OSBPL8: variants seen among roughly 807,000 people sequenced by gnomAD.
The protein encoded by OSBPL8 is oxysterol-binding protein-related protein 8.
A neutral mutation model predicts 125.5 loss-of-function variants in OSBPL8; 59 were observed. That is an observed-to-expected ratio of 0.47 (90% CI 0.38 to 0.58). The LOEUF is 0.58. Ranked by LOEUF, OSBPL8 falls within the 20% of genes least tolerant of loss-of-function variation. OSBPL8 has a pLI of 0.00. For missense variants in OSBPL8, 758 were observed against 1,047.8 expected, an observed-to-expected ratio of 0.72 and a Z score of 3.82; for synonymous variants, 330 against 338.9, an observed-to-expected ratio of 0.97 and a Z score of 0.29.
chr12:76,464,898 G>A (rs1316400225), intron 2 of OSBPL8, among the ~76,000 whole-genome samples: 1 of 152,180 alleles, frequency 6.6e-6, no homozygotes, highest in African/African-American at 2.4e-5. Context: ...TTCAGAAAGA[G>A]TATACAAAAC....
At chr12:76,387,751 A>T (rs911254465) in intron 12 of OSBPL8, among the ~76,000 whole-genome samples, 1 of 152,188 alleles carries the variant, frequency 6.6e-6, no homozygotes, top group African/African-American at 2.4e-5. Context: ...TGCTAAGTTG[A>T]AAGCTTGTGC....
intron 4 of OSBPL8, among the ~76,000 whole-genome samples, chr12:76,414,753 G>A (rs1203977692): frequency 6.6e-6 from 1 of 151,894 alleles, no homozygotes; most frequent in East Asian, 1.9e-4. Context: ...ATGTCCAGCT[G>A]GAACAGGTAC....
chr12:76,375,261 T>C lies in OSBPL8; in HGVS notation c.1827+12A>G, dbSNP rs769472400. 2.2e-5 allele frequency: 34 copies of C among 1,551,368 alleles called. No homozygotes were observed. Among genetic ancestry groups the C allele is most frequent in the Middle Eastern group, 1.9e-4 (1 of 5,322 alleles). ...CTTTAGCTAGGTGATACCTACTGTA[T>C]TGTCTACTAACCTTTAGTTTAAATT... On this transcript the variant is annotated intron_variant, in intron 17 of 23. Transcript: ENST00000261183.
intron 1 of OSBPL8, among the ~76,000 whole-genome samples, chr12:76,546,692 G>A (rs545097274): frequency 2.0e-5 from 3 of 152,228 alleles, no homozygotes; most frequent in African/African-American, 4.8e-5. Context: ...ACTGATATCT[G>A]AGAGGGAAAA....
intron 4 of OSBPL8, among the ~76,000 whole-genome samples, chr12:76,421,452 A>G (rs1221495370): frequency 2.0e-5 from 3 of 152,084 alleles, no homozygotes; most frequent in African/African-American, 7.2e-5. Context: ...CTGTTAGAAA[A>G]GAATGAAATC....
intron 9 of OSBPL8, 136 bp from the exon 10 acceptor site, chr12:76,392,888 G>A: frequency 1.2e-6 from 1 of 844,316 alleles, no homozygotes; most frequent in Non-Finnish European, 1.7e-6. Flanking sequence ...CATCTTGCTA[G>A]AATTTAATGA....
chr12:76,474,039 C>G (rs532918654), intron 2 of OSBPL8, among the ~76,000 whole-genome samples: 1 of 152,194 alleles, frequency 6.6e-6, no homozygotes, highest in Non-Finnish European at 1.5e-5. Flanking sequence ...CTAATGCAGC[C>G]AACAGTTTTA....
chr12:76,402,146 A>G (rs1954075539), intron 6 of OSBPL8, among the ~76,000 whole-genome samples: 1 of 152,200 alleles, frequency 6.6e-6, no homozygotes, highest in African/African-American at 2.4e-5. Context: ...AAATGGTAAA[A>G]TAGACTAGTT....
chr12:76,510,386 G>A (rs1397613018), intron 1 of OSBPL8, among the ~76,000 whole-genome samples: 1 of 152,080 alleles, frequency 6.6e-6, no homozygotes, highest in South Asian at 2.1e-4. Context: ...ATTTTGCCCC[G>A]AGGAAACCAG....
intron 4 of OSBPL8, among the ~76,000 whole-genome samples, chr12:76,434,241 C>T (rs1204351192): frequency 1.3e-5 from 2 of 152,022 alleles, no homozygotes; most frequent in Non-Finnish European, 2.9e-5. Flanking sequence ...GTGCCAAGAA[C>T]ATACAATGAG....
At position 76,410,570 on chromosome 12, in the gene OSBPL8, C is replaced by T; in HGVS notation, c.282G>A (p.Lys94=). ...NKDESSLSMS[K]SKSESKLYNG... is the part of the protein sequence containing the mutation. ...TTTGCTTATATATGCTTACCTTGCTCTTTGACATAGAAAGTGAAGATTCAT... is the reference window on the plus strand; with the variant it reads ...TTTGCTTATATATGCTTACCTTGCTTTTTGACATAGAAAGTGAAGATTCAT... The change falls in exon 5 of 24, where the codon AAG becomes AAA. Residue 94 remains lysine, a synonymous_variant. Coordinates refer to ENST00000261183, the MANE Select transcript of OSBPL8 (RefSeq NM_020841.5). 6.3e-7 allele frequency: 1 copy of T among 1,599,982 alleles called. No individual in the cohort carries two copies.
intron 5 of OSBPL8, 107 bp downstream of exon 5, chr12:76,410,457 T>TC: frequency 1.3e-6 from 1 of 775,028 alleles, no homozygotes; most frequent in Non-Finnish European, 2.2e-6. Flanking sequence ...TTCAGATGTA[T>TC]CAACATAAAA....
At chr12:76,383,939 A>G (rs1953173207) in intron 15 of OSBPL8, among the ~76,000 whole-genome samples, 1 of 152,164 alleles carries the variant, frequency 6.6e-6, no homozygotes, top group Admixed American at 6.5e-5. Context: ...CTAATCCCTT[A>G]GATACACTGA....
At chr12:76,455,430 T>G (rs1873919499) in intron 3 of OSBPL8, among the ~76,000 whole-genome samples, 1 of 152,220 alleles carries the variant, frequency 6.6e-6, no homozygotes, top group Admixed American at 6.5e-5. Flanking sequence ...ACTAGCAGAA[T>G]TAATGTAGGT....
intron 1 of OSBPL8, among the ~76,000 whole-genome samples, chr12:76,515,550 C>T (rs1336831125): frequency 6.6e-6 from 1 of 152,174 alleles, no homozygotes. Flanking sequence ...GCCACGTTCC[C>T]TCTCAACACT....
At chr12:76,395,261 T>C (rs555004728) in intron 8 of OSBPL8, among the ~76,000 whole-genome samples, 2 of 152,292 alleles carry the variant, frequency 1.3e-5, no homozygotes, top group African/African-American at 4.8e-5. Flanking sequence ...AGAAATTCTG[T>C]CGTTGTTGTT....
chr12:76,390,081 CTACATT>C (rs1953494659), intron 11 of OSBPL8: 1 of 401,134 alleles, frequency 2.5e-6, no homozygotes, highest in Admixed American at 4.0e-5. Context: ...TTATTTTATA[CTACATT>C]TACTTCTATG....
chr12:76,414,906 C>A (rs1447160014), intron 4 of OSBPL8, among the ~76,000 whole-genome samples: 4 of 152,108 alleles, frequency 2.6e-5, no homozygotes. Context: ...GTGTAGTGAA[C>A]CACATTTATT....
At chr12:76,534,337 T>G (rs1172645966) in intron 1 of OSBPL8, 1 of 152,200 alleles carries the variant, frequency 6.6e-6, no homozygotes, top group Non-Finnish European at 1.5e-5. Flanking sequence ...TGAAAAGTGT[T>G]ACAATTTCAT....
Sources: gnomAD v4.1 joint callset for allele counts (sites outside exome capture counted in the v4.1 genomes callset) on GRCh38, gnomAD v4.1.1 for gene constraint, MANE v1.5 for transcripts, NCBI Gene and HGNC (gene_info 2026-07-23, HGNC 2026-07-21) for gene names.